Variants in EPS15 observed in about 807,000 individuals in gnomAD.
The protein encoded by EPS15 is epidermal growth factor receptor substrate 15.
Under a neutral mutation model 113.8 loss-of-function variants are expected in EPS15, and 72 were observed. The ratio of observed to expected loss-of-function variants is 0.63; its 90% CI spans 0.52 to 0.77. The LOEUF is 0.77. Among genes scored for constraint, EPS15 ranks in the 30% least tolerant of loss-of-function variants. The probability of loss-of-function intolerance (pLI) is 0.00; values close to 1 mark genes in which losing one functional copy is unlikely to be tolerated. For synonymous variants in EPS15, 344 were observed against 363.4 expected, an observed-to-expected ratio of 0.95 and a Z score of 0.61; for missense variants, 1,048 against 1,045.8, an observed-to-expected ratio of 1.00 and a Z score of -0.03.
chr1:51,488,798 T>C (rs1029298403), intron 1 of EPS15, among the ~76,000 whole-genome samples: 2 of 152,192 alleles, frequency 1.3e-5, no homozygotes, highest in African/African-American at 4.8e-5. Context: ...AGCTAAAACC[T>C]ACATTTCCCA....
chr1:51,380,778 T>A (rs1435466791), intron 21 of EPS15, among the ~76,000 whole-genome samples: 1 of 152,088 alleles, frequency 6.6e-6, no homozygotes, highest in Non-Finnish European at 1.5e-5. Context: ...AAAACACAAC[T>A]ACATGCTGTA....
chr1:51,485,004 C>A (rs931696580), intron 1 of EPS15, among the ~76,000 whole-genome samples: 3 of 152,134 alleles, frequency 2.0e-5, no homozygotes, highest in African/African-American at 7.2e-5. Flanking sequence ...TTTCATAAGC[C>A]TTTTCAGGAG....
At chr1:51,377,833 C>T (rs1231282203) in intron 21 of EPS15, among the ~76,000 whole-genome samples, 1 of 151,718 alleles carries the variant, frequency 6.6e-6, no homozygotes, top group East Asian at 1.9e-4. Flanking sequence ...CCACCAATAT[C>T]GAGGCAAGAT....
chr1:51,493,189 A>G (rs1644267233), intron 1 of EPS15, among the ~76,000 whole-genome samples: 2 of 152,320 alleles, frequency 1.3e-5, no homozygotes, highest in South Asian at 2.1e-4. Flanking sequence ...GTGAAACCCC[A>G]TCTCTACTAA....
chr1:51,479,717 G>C (rs1643985503), intron 2 of EPS15, among the ~76,000 whole-genome samples: 1 of 152,160 alleles, frequency 6.6e-6, no homozygotes, highest in Admixed American at 6.6e-5. Context: ...GATGTAACTG[G>C]ATAAGCCAAT....
intron 1 of EPS15, among the ~76,000 whole-genome samples, chr1:51,497,967 C>T (rs1644353744): frequency 6.7e-6 from 1 of 149,306 alleles, no homozygotes; most frequent in Admixed American, 6.6e-5. Flanking sequence ...CAGAGCAAGA[C>T]CCCGTCTCAA....
intron 1 of EPS15, among the ~76,000 whole-genome samples, chr1:51,491,853 CATTTA>C (rs1644238979): frequency 7.2e-6 from 1 of 138,490 alleles, no homozygotes; most frequent in Non-Finnish European, 1.6e-5. Context: ...ATTCCCAACT[CATTTA>C]ATTTTTTTTT....
At chr1:51,401,207 C>A in intron 18 of EPS15, 1 of 334,688 alleles carries the variant, frequency 3.0e-6, no homozygotes, top group Non-Finnish European at 5.4e-6. Flanking sequence ...TCTCTACTCT[C>A]CACAAGAGTA....
intron 1 of EPS15, among the ~76,000 whole-genome samples, chr1:51,505,839 T>G (rs772491914): frequency 1.8e-4 from 28 of 152,148 alleles, no homozygotes; most frequent in Non-Finnish European, 3.8e-4. Flanking sequence ...TCATCCAGGC[T>G]GGAGTGCAAT....
chr1:51,368,533 C>T (rs1470444019), intron 21 of EPS15, among the ~76,000 whole-genome samples: 1 of 152,032 alleles, frequency 6.6e-6, no homozygotes, highest in African/African-American at 2.4e-5. Flanking sequence ...GGCCCAGCCT[C>T]ATCATAGGTA....
At chr1:51,416,714 T>C (rs968905604) in intron 13 of EPS15, among the ~76,000 whole-genome samples, 1 of 152,118 alleles carries the variant, frequency 6.6e-6, no homozygotes, top group Non-Finnish European at 1.5e-5. Flanking sequence ...TCAAGTCAGA[T>C]GTACAACTGA....
chr1:51,390,081 T>G (rs1453353615), intron 21 of EPS15, among the ~76,000 whole-genome samples: 1 of 152,154 alleles, frequency 6.6e-6, no homozygotes, highest in Non-Finnish European at 1.5e-5. Flanking sequence ...AAGGCTACAG[T>G]AACCAAAACA....
At position 51,356,841 on chromosome 1, in the gene EPS15, G is replaced by C. The variant is rs536361721; in HGVS notation, c.2550C>G (p.Pro850=). 1 of 1,607,132 alleles carries C rather than the reference G, an allele frequency of 6.2e-7. No individual in the cohort carries two copies. The highest frequency in any genetic ancestry group is 2.2e-5 in the East Asian group (1 of 44,738). Residue 850 remains proline (P), a synonymous_variant, in exon 25 of 25, where the codon CCC becomes CCG. Transcript: ENST00000371733. ...CCCATTCGATCATATCTTCTTCAGAGGGATACTGCCATTTAAAAGATCGAT... is the reference window on the plus strand; with the variant it reads ...CCCATTCGATCATATCTTCTTCAGACGGATACTGCCATTTAAAAGATCGAT... ...PSNFANFSAY[P]SEEDMIEWAK...
intron 8 of EPS15, among the ~76,000 whole-genome samples, chr1:51,451,131 A>C (rs978499424): frequency 1.3e-5 from 2 of 151,908 alleles, no homozygotes; most frequent in Non-Finnish European, 2.9e-5. Flanking sequence ...CAGTGTGTTT[A>C]GTGGGTTATC....
intron 6 of EPS15, among the ~76,000 whole-genome samples, 182 bp from the exon 7 acceptor site, chr1:51,463,980 G>C (rs1170895613): frequency 6.6e-6 from 1 of 152,078 alleles, no homozygotes; most frequent in African/African-American, 2.4e-5. Context: ...AAATACATAG[G>C]AAATAATAAT....
intron 21 of EPS15, chr1:51,372,631 G>T: frequency 2.1e-6 from 1 of 472,366 alleles, no homozygotes; most frequent in South Asian, 1.6e-5. Flanking sequence ...TGGTATTACT[G>T]ACTGAAACTA....
At chr1:51,402,169 CACAT>C (rs537916848) in intron 18 of EPS15, among the ~76,000 whole-genome samples, 2 of 150,496 alleles carry the variant, frequency 1.3e-5, no homozygotes. Flanking sequence ...AATAAATACA[CACAT>C]ACATACATAC....
intron 12 of EPS15, among the ~76,000 whole-genome samples, chr1:51,422,312 T>C (rs1650832871): frequency 6.6e-6 from 1 of 152,182 alleles, no homozygotes; most frequent in Non-Finnish European, 1.5e-5. Flanking sequence ...TACTGAAGTG[T>C]TAATTTCCCC....
At chr1:51,457,533 T>C (rs1654103049) in intron 8 of EPS15, 1 of 148,136 alleles carries the variant, frequency 6.8e-6, no homozygotes, top group African/African-American at 2.5e-5. Context: ...TTTTTTTTTT[T>C]TTCCAGATTC....
Sources: allele counts gnomAD v4.1 joint callset (sites outside exome capture counted in the v4.1 genomes callset), GRCh38; gene constraint gnomAD v4.1.1; transcripts MANE v1.5; gene names NCBI Gene and HGNC (gene_info 2026-07-23, HGNC 2026-07-21).